The following CACNA1H variants were observed in gnomAD, a reference collection of about 807,000 sequenced individuals.
CACNA1H encodes the protein voltage-dependent T-type calcium channel subunit alpha-1H.
Under a neutral mutation model 192.5 loss-of-function variants are expected in CACNA1H, and 149 were observed. The observed-to-expected ratio is 0.77, with a 90% CI of 0.68 to 0.89. CACNA1H has a LOEUF of 0.89. Ranked by LOEUF, CACNA1H falls within the 40% of genes least tolerant of loss-of-function variation. The pLI is 0.00. For missense variants in CACNA1H, 4,257 were observed against 3,423.5 expected, an observed-to-expected ratio of 1.24 and a Z score of -6.08; for synonymous variants, 2,202 against 1,475.2, an observed-to-expected ratio of 1.49 and a Z score of -11.29.
chr16:1,194,324 C>A (rs892506181), intron 2 of CACNA1H, among the ~76,000 whole-genome samples: 2 of 152,328 alleles, frequency 1.3e-5, no homozygotes, highest in East Asian at 3.9e-4. Context: ...CAAATGCCGG[C>A]TTCTACCTTA....
intron 2 of CACNA1H, among the ~76,000 whole-genome samples, chr16:1,188,768 G>A (rs1029712882): frequency 5.9e-5 from 9 of 152,162 alleles, no homozygotes; most frequent in Admixed American, 5.2e-4. Context: ...CTGTGTTTCC[G>A]GCCAGGAGGC....
Position 1,220,464 on chromosome 16 carries a change from G to T in CACNA1H, c.6532G>T (p.Ala2178Ser), listed in dbSNP as rs771909122. The T allele has an allele frequency of 6.5e-7, 1 of 1,545,596 alleles. No homozygotes were observed. Residue 2178 changes from alanine to serine, a missense_variant, in exon 35 of 35, where the codon GCT (alanine) becomes TCT (serine). Ala to Ser is a moderately conservative substitution (Grantham distance 99). Coordinates refer to ENST00000348261, the MANE Select transcript of CACNA1H (RefSeq NM_021098.3). The part of the protein sequence containing the change: ...AKAWGPEAEP[A>S]LGARRKKKMS... ...GGCCTGGGGCCCTGAGGCCGAGCCC[G>T]CTCTGGGTGCGCGCAGAAAGAAGAA...
chr16:1,205,171 G>A lies in CACNA1H; in HGVS notation c.2509G>A (p.Ala837Thr), dbSNP rs758165431. Residue 837 changes from alanine to threonine, a missense_variant, in exon 11 of 35, where the codon GCC becomes ACC. Ala to Thr is a moderately conservative substitution (Grantham distance 58, BLOSUM62 0). Coordinates refer to ENST00000348261, the MANE Select transcript of CACNA1H (RefSeq NM_021098.3). Reference protein sequence around the residue: ...ISNIVFTSMFALEMLLKLLAC... With the variant: ...ISNIVFTSMFTLEMLLKLLAC... ...CAACATCGTGTTCACCAGCATGTTT[G>A]CCCTGGAGATGCTGCTGAAGCTGCT... The A allele has an allele frequency of 1.9e-6, 3 of 1,612,966 alleles. No homozygotes were observed. Among genetic ancestry groups the A allele is most frequent in the Non-Finnish European group, 1.7e-6 (2 of 1,179,774 alleles).
intron 31 of CACNA1H, 25 bp downstream of exon 31, chr16:1,217,035 C>T (rs1348702315): frequency 6.4e-7 from 1 of 1,563,338 alleles, no homozygotes; most frequent in South Asian, 1.2e-5. Flanking sequence ...CGCCCTCCTC[C>T]TGGCACACAT....
intron 2 of CACNA1H, among the ~76,000 whole-genome samples, chr16:1,155,076 C>T (rs528731487): frequency 1.3e-5 from 2 of 152,332 alleles, no homozygotes; most frequent in South Asian, 2.1e-4. Flanking sequence ...TGTACACTTC[C>T]CTACCTTGTG....
At chr16:1,192,531 G>A (rs1596373774) in intron 2 of CACNA1H, among the ~76,000 whole-genome samples, 1 of 152,232 alleles carries the variant, frequency 6.6e-6, no homozygotes, top group South Asian at 2.1e-4. Context: ...CCAGAAGTCA[G>A]CATTCCCCTC....
chr16:1,163,034 G>C (rs1248505881), intron 2 of CACNA1H, among the ~76,000 whole-genome samples: 1 of 152,256 alleles, frequency 6.6e-6, no homozygotes, highest in African/African-American at 2.4e-5. Flanking sequence ...CCTGGACCTT[G>C]GGCTCGTCTG....
rs1968064178 is a variant in CACNA1H at position 1,202,403 on chromosome 16, G to T, written c.1953G>T (p.Leu651Phe). Residue 651 changes from leucine (L) to phenylalanine (F), a missense_variant, in exon 9 of 35, where the codon TTG (leucine) becomes TTT (phenylalanine). By Grantham distance (22) the Leu-to-Phe change is conservative (BLOSUM62 0). Coordinates refer to ENST00000348261, the MANE Select transcript of CACNA1H (RefSeq NM_021098.3). The stretch of plus-strand genomic sequence containing the variant: ...CCGGGGGGCACGGCCCGTTGAGCTT[G>T]AACAGCCCTGATCCCTACGAGAAGA... ...PGTGGHGPLS[L>F]NSPDPYEKIP... 1.9e-6 allele frequency: 3 copies of T among 1,540,264 alleles called. No homozygotes were observed. Among genetic ancestry groups the T allele is most frequent in the South Asian group, 1.2e-5 (1 of 82,282 alleles).
intron 25 of CACNA1H, 106 bp downstream of exon 25, chr16:1,212,244 C>A (rs538663606): frequency 3.5e-6 from 5 of 1,427,736 alleles, no homozygotes; most frequent in Non-Finnish European, 4.6e-6. Context: ...TGGCTCTGCA[C>A]GCCACCCGCC....
intron 2 of CACNA1H, among the ~76,000 whole-genome samples, chr16:1,194,418 G>A (rs1022283787): frequency 1.3e-5 from 2 of 152,176 alleles, no homozygotes; most frequent in African/African-American, 4.8e-5. Flanking sequence ...GTGGGGCCGC[G>A]CAGCCCTGGG....
rs1969157452 is a variant in CACNA1H at position 1,209,404 on chromosome 16, T to C, written c.3736T>C (p.Ser1246Pro). Residue 1246 changes from serine to proline, a missense_variant, in exon 17 of 35, where the codon TCG becomes CCG. Physicochemically the swap from Ser to Pro is moderately conservative, Grantham distance 74. Transcript: ENST00000348261. ...GGATGCAGCCGAGCTTGACGACGAC[T>C]CGGAGGACGTGAGTGCGTGGCCCTG... The part of the protein sequence containing the change: ...REDAAELDDD[S>P]EDSCCLRLHK... 1.9e-6 allele frequency: 3 copies of C among 1,597,432 alleles called. No homozygotes were observed. Among genetic ancestry groups the C allele is most frequent in the East Asian group, 2.2e-5 (1 of 44,838 alleles).
chr16:1,198,905 C>T lies in CACNA1H; in HGVS notation c.803+131C>T, dbSNP rs565226135. 1.3e-3 allele frequency: 1,060 copies of T among 822,170 alleles called. 6 individuals carry two copies. Among genetic ancestry groups the T allele is most frequent in the Non-Finnish European group, 1.6e-3 (818 of 524,018 alleles). The allele number at this position is 822,170 out of a possible 1,614,324, so 50.9% of individuals were successfully genotyped here. A position where few individuals can be genotyped will look rare whatever the true frequency, so the allele number is the denominator to read the frequency against. ...CAGTCACCCGCCCCGCCACTGCTGT[C>T]CCCGTCATGGCTCCGTCCACCATGC... On this transcript the variant is annotated intron_variant, in intron 6 of 34. Coordinates refer to ENST00000348261, the MANE Select transcript of CACNA1H (RefSeq NM_021098.3).
intron 2 of CACNA1H, among the ~76,000 whole-genome samples, chr16:1,186,489 C>T (rs1212372189): frequency 6.6e-6 from 1 of 152,094 alleles, no homozygotes; most frequent in Non-Finnish European, 1.5e-5. Flanking sequence ...CTGCCCACGT[C>T]CTGAGTGCCC....
chr16:1,180,005 G>A lies in CACNA1H; in HGVS notation c.300-14967G>A, dbSNP rs1030195232. Among the ~76,000 whole-genome samples, 10 of 152,238 alleles carry A rather than the reference G, an allele frequency of 6.6e-5. No homozygotes were observed. The highest frequency in any genetic ancestry group is 2.4e-4 in the African/African-American group (10 of 41,454). On this transcript the variant is annotated intron_variant, in intron 2 of 34. Coordinates refer to ENST00000348261, the MANE Select transcript of CACNA1H (RefSeq NM_021098.3). The surrounding 1 kb of genome is among the most constrained non-coding windows in gnomAD (Gnocchi z 4.4). ...CTGCCTCGGCCTCCAAAAGTGCTGG[G>A]ATAACAGGCGTGAGCCACCATGCCC...
At chr16:1,205,337 G>A in intron 11 of CACNA1H, 72 bp downstream of exon 11, 2 of 1,465,376 alleles carry the variant, frequency 1.4e-6, no homozygotes, top group Non-Finnish European at 1.9e-6. Context: ...CCCACCTGCA[G>A]AGCAAAACCC....
chr16:1,180,935 C>T lies in CACNA1H; in HGVS notation c.300-14037C>T, dbSNP rs1288268920. 1.3e-5 allele frequency among the ~76,000 whole-genome samples: 2 copies of T among 152,322 alleles called. No homozygotes were observed. The highest frequency in any genetic ancestry group is 4.8e-5 in the African/African-American group (2 of 41,580). ...CTCACCCCGTCTTCCCGCAGGAAAG[C>T]GCCTTGGCGGGACTGCTTCCGCCAG... is the stretch of plus-strand genomic sequence containing the variant. On this transcript the variant is annotated intron_variant, in intron 2 of 34. Transcript: ENST00000348261. This position sits in a 1 kb window ranked among gnomAD's most constrained non-coding sequence, Gnocchi z 4.4.
At chr16:1,175,160 G>A (rs1016450608) in intron 2 of CACNA1H, among the ~76,000 whole-genome samples, 15 of 151,870 alleles carry the variant, frequency 9.9e-5, no homozygotes, top group Admixed American at 6.6e-5. Flanking sequence ...TACTGTGCGC[G>A]CGGGCCAACG....
chr16:1,169,845 C>CGTGAGGCCGGACATGGGCGT (rs1567448646), intron 2 of CACNA1H, among the ~76,000 whole-genome samples: 3 of 152,258 alleles, frequency 2.0e-5, no homozygotes, highest in Admixed American at 6.5e-5. Flanking sequence ...CCGGCTTCCC[C>CGTGAGGCCGGACATGGGCGT]GTGAGGCCGG....
At position 1,201,867 on chromosome 16, in the gene CACNA1H, C is replaced by A. The variant is rs1188071587; in HGVS notation, c.1417C>A (p.Arg473=). The part of the protein sequence containing the change: ...YVGHIFRKVK[R]RSLRLYARWQ... ...GGGCCACATATTCCGCAAGGTCAAG[C>A]GGCGCAGCTTGCGCCTCTACGCCCG... is the stretch of plus-strand genomic sequence containing the variant. Residue 473 remains arginine, a synonymous_variant, in exon 9 of 35, where the codon CGG becomes AGG. Transcript: ENST00000348261. 2.6e-6 allele frequency: 4 copies of A among 1,557,332 alleles called. No individual in the cohort carries two copies. In the South Asian group the frequency reaches 3.5e-5, roughly 14 times the overall value.
Sources: allele counts gnomAD v4.1 joint callset (sites outside exome capture counted in the v4.1 genomes callset), GRCh38; gene constraint gnomAD v4.1.1; non-coding constraint Gnocchi (gnomAD v3.1); transcripts MANE v1.5; gene names NCBI Gene and HGNC (gene_info 2026-07-23, HGNC 2026-07-21).